Variants in TGFBRAP1 observed in about 807,000 individuals in gnomAD.
The protein encoded by TGFBRAP1 is transforming growth factor-beta receptor-associated protein 1.
In TGFBRAP1, 20 loss-of-function variants were observed where a neutral mutation model predicts 83.2. That is an observed-to-expected ratio of 0.24 (90% CI 0.17 to 0.35). The LOEUF is 0.35. Among genes scored for constraint, TGFBRAP1 ranks in the 10% least tolerant of loss-of-function variants. The pLI, the probability that TGFBRAP1 is intolerant of heterozygous loss-of-function variation, is 1.00. For missense variants in TGFBRAP1, 950 were observed against 1,099.4 expected (o/e 0.86, Z 1.92); for synonymous variants, 415 against 459.8 (o/e 0.90, Z 1.25).
rs759936004 is a variant in TGFBRAP1, at chr2:105,298,608, C to A, written c.786G>T (p.Ala262=). 1.2e-5 allele frequency: 20 copies of A among 1,613,990 alleles called. No individual in the cohort carries two copies. The highest frequency in any genetic ancestry group is 5.0e-5 in the Admixed American group (3 of 59,990). Residue 262 remains alanine (A), a synonymous_variant, in exon 3 of 12, where the codon GCG becomes GCT. Coordinates refer to ENST00000393359, the MANE Select transcript of TGFBRAP1 (RefSeq NM_004257.6). ...GAAVSFPYVI[A]LDDEFITVHS... ...GGACTGTGATGAATTCGTCATCGAG[C>A]GCTATGACGTATGGAAAGGACACAG... is the stretch of plus-strand genomic sequence containing the variant.
intron 1 of TGFBRAP1, among the ~76,000 whole-genome samples, chr2:105,318,618 AC>A (rs1421140269): frequency 6.6e-6 from 1 of 152,240 alleles, no homozygotes; most frequent in Non-Finnish European, 1.5e-5. Context: ...CATTTATCAA[AC>A]AAATAAGTGA....
At chr2:105,309,287 T>G (rs1286084003) in intron 1 of TGFBRAP1, among the ~76,000 whole-genome samples, 1 of 152,198 alleles carries the variant, frequency 6.6e-6, no homozygotes, top group East Asian at 1.9e-4. Context: ...GAAAGAGGAC[T>G]GCAGAGAATG....
At chr2:105,322,550 A>C (rs1321970386) in intron 1 of TGFBRAP1, among the ~76,000 whole-genome samples, 1 of 152,116 alleles carries the variant, frequency 6.6e-6, no homozygotes, top group Admixed American at 6.5e-5. Flanking sequence ...CAGTATTTCT[A>C]CTATCCCTTT....
rs557322843 is a variant in TGFBRAP1, at chr2:105,304,099, G to A, written c.688+3515C>T. ...ACATCGATTATGGTGTATGCTAATA[G>A]GGGAAATATGACACATCTACATATA... is the stretch of plus-strand genomic sequence containing the variant. On this transcript the variant is annotated intron_variant, in intron 2 of 11. Transcript: ENST00000393359. Among the ~76,000 whole-genome samples the A allele has an allele frequency of 5.3e-5, 8 of 152,238 alleles. No individual in the cohort carries two copies. The East Asian group carries it at 1.5e-3, about 29-fold the overall frequency.
downstream of TGFBRAP1, among the ~76,000 whole-genome samples, chr2:105,263,823 T>C (rs1371059387): frequency 6.7e-6 from 1 of 150,364 alleles, no homozygotes. Flanking sequence ...GAGGTGGAGG[T>C]TGCAGTGAGC....
intron 6 of TGFBRAP1, among the ~76,000 whole-genome samples, chr2:105,279,739 T>C (rs1309687490): frequency 1.3e-5 from 2 of 152,002 alleles, no homozygotes; most frequent in Non-Finnish European, 2.9e-5. Context: ...ACAAAGGAAA[T>C]TGAAAAATAA....
At chr2:105,298,067 A>C (rs963046281) in intron 3 of TGFBRAP1, among the ~76,000 whole-genome samples, 1 of 152,030 alleles carries the variant, frequency 6.6e-6, no homozygotes, top group Non-Finnish European at 1.5e-5. Context: ...CTTCAAACAC[A>C]CCATGCACTA....
Position 105,280,434 on chromosome 2 carries a change from C to T in TGFBRAP1, c.1411G>A (p.Glu471Lys). 1 of 1,614,174 alleles carries T rather than the reference C, an allele frequency of 6.2e-7. No individual in the cohort carries two copies. The highest frequency in any genetic ancestry group is 8.5e-7 in the Non-Finnish European group (1 of 1,180,028). The change falls in exon 6 of 12, where the codon GAG becomes AAG. Residue 471 changes from glutamate to lysine, a missense_variant. By Grantham distance (56) the Glu-to-Lys change is moderately conservative (BLOSUM62 1). Transcript: ENST00000393359. ...HDSLLDLLVT[E>K]NFCLLTDSAA... ...CTGTCCGTCAGAAGACAGAAGTTCT[C>T]AGTGACCAGGAGGTCCAGCAGGCTG...
intron 1 of TGFBRAP1, among the ~76,000 whole-genome samples, chr2:105,312,550 C>G (rs1300870874): frequency 1.3e-5 from 2 of 152,112 alleles, no homozygotes; most frequent in Admixed American, 6.6e-5. Flanking sequence ...CTAAGAGTCT[C>G]CCCGTCCTAT....
the TGFBRAP1 span, among the ~76,000 whole-genome samples, chr2:105,251,843 C>T: frequency 1.3e-5 from 2 of 149,964 alleles, no homozygotes; most frequent in Admixed American, 6.7e-5. Flanking sequence ...TGTGACCTTA[C>T]CCCCAACCCT....
At chr2:105,255,223 T>C in the TGFBRAP1 span, among the ~76,000 whole-genome samples, 1 of 152,370 alleles carries the variant, frequency 6.6e-6, no homozygotes, top group East Asian at 1.9e-4. Context: ...CTTTGATAAC[T>C]GGGCCCTTGC....
At chr2:105,250,908 G>A in the TGFBRAP1 span, among the ~76,000 whole-genome samples, 1 of 152,200 alleles carries the variant, frequency 6.6e-6, no homozygotes, top group Non-Finnish European at 1.5e-5. Context: ...TGCCAGCCTC[G>A]GCCTCCCAAG....
At chr2:105,253,167 C>T in the TGFBRAP1 span, among the ~76,000 whole-genome samples, 19,082 of 152,088 alleles carry the variant, frequency 0.13, 1,746 homozygotes, top group East Asian at 0.4. Flanking sequence ...GAGACTAGCT[C>T]TGTTGCCCTG....
chr2:105,302,969 G>A (rs748199353), intron 2 of TGFBRAP1, among the ~76,000 whole-genome samples: 9 of 152,130 alleles, frequency 5.9e-5, no homozygotes, highest in Non-Finnish European at 1.2e-4. Context: ...CTGTGGGAGC[G>A]GTAGTGCTGG....
At chr2:105,274,381 C>T (rs1051476042) in intron 8 of TGFBRAP1, among the ~76,000 whole-genome samples, 1 of 152,190 alleles carries the variant, frequency 6.6e-6, no homozygotes, top group African/African-American at 2.4e-5. Context: ...CGCACCTCCC[C>T]CCTCCAAGGC....
intron 7 of TGFBRAP1, 79 bp from the exon 8 acceptor site, chr2:105,275,782 G>C (rs1158800383): frequency 6.9e-7 from 1 of 1,440,142 alleles, no homozygotes. Flanking sequence ...AATTAGTTGA[G>C]AAATGGCATA....
chr2:105,325,711 C>T (rs924898787), intron 1 of TGFBRAP1, among the ~76,000 whole-genome samples: 52 of 152,230 alleles, frequency 3.4e-4, no homozygotes, highest in Non-Finnish European at 4.3e-4. Context: ...ACACAGTTCT[C>T]TACTAACATA....
chr2:105,279,114 A>G (rs1010360508), intron 6 of TGFBRAP1, among the ~76,000 whole-genome samples: 1 of 152,140 alleles, frequency 6.6e-6, no homozygotes, highest in African/African-American at 2.4e-5. Context: ...ATTTTTAAAG[A>G]TAAGAAAAGT....
chr2:105,263,651 G>A (rs1201085261), downstream of TGFBRAP1, among the ~76,000 whole-genome samples: 3 of 152,154 alleles, frequency 2.0e-5, no homozygotes, highest in East Asian at 5.8e-4. Context: ...GCCAAGGCAG[G>A]TGGATCACCT....
Sources: gnomAD v4.1 joint callset for allele counts (sites outside exome capture counted in the v4.1 genomes callset) on GRCh38, gnomAD v4.1.1 for gene constraint, MANE v1.5 for transcripts, NCBI Gene and HGNC (gene_info 2026-07-23, HGNC 2026-07-21) for gene names.